Variants in JPT2 observed in about 807,000 individuals in gnomAD.
JPT2 encodes CRAMP_1 like.
Under a neutral mutation model 15.9 loss-of-function variants are expected in JPT2, and 9 were observed. The observed-to-expected ratio is 0.57, with a 90% CI of 0.34 to 0.99. JPT2 has a LOEUF of 0.99. Among genes scored for constraint, JPT2 ranks in the 50% least tolerant of loss-of-function variants. The pLI, the probability that JPT2 is intolerant of heterozygous loss-of-function variation, is 0.02. For synonymous variants in JPT2, 95 were observed against 91.7 expected, an observed-to-expected ratio of 1.04 and a Z score of -0.21; for missense variants, 267 against 252.1, an observed-to-expected ratio of 1.06 and a Z score of -0.40.
intron 1 of JPT2, among the ~76,000 whole-genome samples, chr16:1,679,149 C>A (rs979754123): frequency 1.3e-5 from 2 of 152,228 alleles, no homozygotes; most frequent in African/African-American, 4.8e-5. Flanking sequence ...ACAGAGCTTA[C>A]AAGGTCTTTC....
Position 1,700,238 on chromosome 16 carries a change from G to A in JPT2, c.*1240G>A, listed in dbSNP as rs1035588975. ...GGAGTTCAGTAGCAAAGTCACACCT[G>A]TCCAATTCCCTGAGCTTTGCTCACT... On this transcript the variant is annotated 3_prime_UTR_variant, in exon 5 of 5. Coordinates refer to ENST00000248098, the MANE Select transcript of JPT2 (RefSeq NM_144570.3). The A allele has an allele frequency of 5.6e-5, 25 of 447,192 alleles. No homozygotes were observed. Among genetic ancestry groups the A allele is most frequent in the Non-Finnish European group, 1.0e-4 (23 of 219,998 alleles). 27.7% of individuals were successfully genotyped at this position (447,192 alleles called of 1,614,324 possible). A position where few individuals can be genotyped will look rare whatever the true frequency, so the allele number is the denominator to read the frequency against.
At chr16:1,696,059 T>C (rs903976037) in intron 3 of JPT2, among the ~76,000 whole-genome samples, 2 of 151,900 alleles carry the variant, frequency 1.3e-5, no homozygotes, top group South Asian at 2.1e-4. Flanking sequence ...TGAAACCCCA[T>C]GTCTACTAAA....
In JPT2 at chr16:1,678,320, A is replaced by C. The variant is rs1329966133; in HGVS notation, c.8A>C (p.Gln3Pro). 2.4e-6 allele frequency: 3 copies of C among 1,236,974 alleles called. No individual in the cohort carries two copies. Among genetic ancestry groups the C allele is most frequent in the Non-Finnish European group, 3.0e-6 (3 of 987,404 alleles). 76.6% of individuals were successfully genotyped at this position (1,236,974 alleles called of 1,614,324 possible). A position where few individuals can be genotyped will look rare whatever the true frequency, so the allele number is the denominator to read the frequency against. The change falls in exon 1 of 5, where the codon CAG (glutamine) becomes CCG (proline). Residue 3 changes from glutamine to proline, a missense_variant. Physicochemically the swap from Gln to Pro is moderately conservative, Grantham distance 76. Transcript: ENST00000248098. MF[Q>P]VPDSEGGRAG... ...AGGGTGGCGGCGGTCGACATGTTCC[A>C]GGTCCCGGATAGCGAGGGCGGCCGC...
At chr16:1,689,042 A>G (rs890194732) in intron 2 of JPT2, 21 of 152,162 alleles carry the variant, frequency 1.4e-4, no homozygotes, top group African/African-American at 5.1e-4. Context: ...GGGAACGGGC[A>G]CTGTTCTCGA....
At chr16:1,685,400 G>A in intron 1 of JPT2, 39 bp from the exon 2 acceptor site, 1 of 1,605,984 alleles carries the variant, frequency 6.2e-7, no homozygotes, top group South Asian at 1.1e-5. Flanking sequence ...AAGCTTTCAG[G>A]TCTGCCATCA....
At chr16:1,691,725 GCT>G in intron 2 of JPT2, 116 bp from the exon 3 acceptor site, 2 of 1,232,382 alleles carry the variant, frequency 1.6e-6, no homozygotes, top group Non-Finnish European at 2.2e-6. Flanking sequence ...TTGGCCTGGA[GCT>G]CAGGGCTGGC....
chr16:1,702,767 T>C (rs756435036), downstream of JPT2, among the ~76,000 whole-genome samples: 3 of 152,226 alleles, frequency 2.0e-5, no homozygotes, highest in Non-Finnish European at 4.4e-5. Context: ...ACTCAGCTCA[T>C]GAAGATGAGA....
intron 3 of JPT2, among the ~76,000 whole-genome samples, chr16:1,694,945 C>G (rs1391824329): frequency 6.6e-6 from 1 of 152,096 alleles, no homozygotes; most frequent in South Asian, 2.1e-4. Context: ...AGATATGACA[C>G]CAAAAACAGA....
chr16:1,683,579 G>T, intron 1 of JPT2: 1 of 1,535,470 alleles, frequency 6.5e-7, no homozygotes, highest in Non-Finnish European at 8.7e-7. Flanking sequence ...GGGGCCCTGG[G>T]CACCACTTCA....
intron 1 of JPT2, among the ~76,000 whole-genome samples, chr16:1,679,408 T>C (rs2142217367): frequency 6.6e-6 from 1 of 152,282 alleles, no homozygotes; most frequent in South Asian, 2.1e-4. Context: ...AAAAACCCTT[T>C]AGATTGGCCG....
In JPT2 at chr16:1,683,267, C is replaced by T. The variant is rs556381624; in HGVS notation, c.45-2172C>T. Among the ~76,000 whole-genome samples, 7 of 152,124 alleles carry T rather than the reference C, an allele frequency of 4.6e-5. No homozygotes were observed. The South Asian group carries it at 6.2e-4, about 14-fold the overall frequency. ...CTGGGATTACAGGCGTGAGCCACCA[C>T]GCCTGGCCTTATTTTTGTATTTTTT... On this transcript the variant is annotated intron_variant, in intron 1 of 4. Coordinates refer to ENST00000248098, the MANE Select transcript of JPT2 (RefSeq NM_144570.3).
rs182807618 is a variant in JPT2, at chr16:1,698,326, C to G, written c.385+466C>G. Among the ~76,000 whole-genome samples the G allele has an allele frequency of 1.3e-5, 2 of 152,202 alleles. No homozygotes were observed. Among genetic ancestry groups the G allele is most frequent in the Non-Finnish European group, 2.9e-5 (2 of 68,040 alleles). ...GGCTCTTTAGCCTGACCATGGGCATCGGTTTCTGCCTTTGGGTCTCCATTT... is the reference window on the plus strand; with the variant it reads ...GGCTCTTTAGCCTGACCATGGGCATGGGTTTCTGCCTTTGGGTCTCCATTT... On this transcript the variant is annotated intron_variant, in intron 4 of 4. Coordinates refer to ENST00000248098, the MANE Select transcript of JPT2 (RefSeq NM_144570.3). The surrounding 1 kb of genome is among the most constrained non-coding windows in gnomAD (Gnocchi z 4.9).
chr16:1,679,843 T>C (rs1215681682), intron 1 of JPT2, among the ~76,000 whole-genome samples: 1 of 151,630 alleles, frequency 6.6e-6, no homozygotes, highest in African/African-American at 2.4e-5. Flanking sequence ...GACCACGAGA[T>C]CAGGAGATCG....
At position 1,698,257 on chromosome 16, in the gene JPT2, T is replaced by G. The variant is rs892240476; in HGVS notation, c.385+397T>G. Among the ~76,000 whole-genome samples the G allele has an allele frequency of 6.6e-6, 1 of 151,898 alleles. No individual in the cohort carries two copies. Among genetic ancestry groups the G allele is most frequent in the African/African-American group, 2.4e-5 (1 of 41,328 alleles). On this transcript the variant is annotated intron_variant, in intron 4 of 4. Transcript: ENST00000248098. The surrounding 1 kb of genome is among the most constrained non-coding windows in gnomAD (Gnocchi z 4.9). ...TCCATGGTGAGTCACCCCGGGGGAG[T>G]GAGCCACTGCTCAGGTTGAGCGGCA...
intron 3 of JPT2, among the ~76,000 whole-genome samples, chr16:1,694,251 A>T (rs919735292): frequency 6.6e-6 from 1 of 152,222 alleles, no homozygotes; most frequent in Non-Finnish European, 1.5e-5. Context: ...ACCAACACTT[A>T]TGGGCCTGGG....
chr16:1,697,851 G>T lies in JPT2; in HGVS notation c.376G>T (p.Asp126Tyr). The part of the protein sequence containing the change: ...FLCEGEEPKS[D>Y]LKAARSIPAG... ...ATGTGAAGGAGAAGAACCAAAATCG[G>T]ATCTTAAAGGTGAGCTTTTGTTTTC... is the stretch of plus-strand genomic sequence containing the variant. The change falls in exon 4 of 5, where the codon GAT becomes TAT. Residue 126 changes from aspartate to tyrosine, a missense_variant. Asp to Tyr is a radical substitution (Grantham distance 160). Coordinates refer to ENST00000248098, the MANE Select transcript of JPT2 (RefSeq NM_144570.3). The T allele has an allele frequency of 1.9e-6, 3 of 1,613,928 alleles. No homozygotes were observed. The highest frequency in any genetic ancestry group is 2.5e-6 in the Non-Finnish European group (3 of 1,179,906).
chr16:1,694,207 A>C (rs1460349852), intron 3 of JPT2, among the ~76,000 whole-genome samples: 7 of 152,244 alleles, frequency 4.6e-5, no homozygotes, highest in Admixed American at 4.6e-4. Flanking sequence ...GAAAATGTTC[A>C]TCAGTGGCCG....
chr16:1,685,076 C>T (rs1316037527), intron 1 of JPT2, among the ~76,000 whole-genome samples: 2 of 152,160 alleles, frequency 1.3e-5, no homozygotes, highest in Admixed American at 1.3e-4. Context: ...CCTGTAATCA[C>T]AGCACTTTGG....
intron 1 of JPT2, among the ~76,000 whole-genome samples, chr16:1,682,441 G>GTCAGAAGTTCAAGTT (rs1318100364): frequency 6.6e-6 from 1 of 151,978 alleles, no homozygotes; most frequent in Admixed American, 6.6e-5. Flanking sequence ...GGAGGCTGAG[G>GTCAGAAGTTCAAGTT]TGGGCGGATC....
Sources: gnomAD v4.1 joint callset for allele counts (sites outside exome capture counted in the v4.1 genomes callset) on GRCh38, gnomAD v4.1.1 for gene constraint, Gnocchi (gnomAD v3.1) non-coding constraint, MANE v1.5 for transcripts, NCBI Gene and HGNC (gene_info 2026-07-23, HGNC 2026-07-21) for gene names.